The following SCRG1 variants were observed in gnomAD, a reference collection of about 807,000 sequenced individuals.
The protein encoded by SCRG1 is stimulator of chondrogenesis 1, also known as scrapie-responsive protein 1.
In SCRG1, 3 loss-of-function variants were observed where a neutral mutation model predicts 7.7. The observed-to-expected ratio is 0.39, with a 90% confidence interval of 0.18 to 1.01. SCRG1 has a LOEUF of 1.01. SCRG1 is among the 50% of genes least tolerant of loss of function. The pLI is 0.36. For missense variants in SCRG1, 110 were observed against 117.2 expected, an observed-to-expected ratio of 0.94 and a Z score of 0.28; for synonymous variants, 46 against 41.2, an observed-to-expected ratio of 1.12 and a Z score of -0.44.
chr4:173,454,198 G>A, the SCRG1 span, among the ~76,000 whole-genome samples: 1 of 152,182 alleles, frequency 6.6e-6, no homozygotes, highest in African/African-American at 2.4e-5. Context: ...TCAAGTAGGT[G>A]TGAAGACAGG....
At chr4:173,465,805 A>G in the SCRG1 span, among the ~76,000 whole-genome samples, 1 of 151,914 alleles carries the variant, frequency 6.6e-6, no homozygotes. Context: ...GGCCTCTGGT[A>G]ACTACCAATC....
intron 1 of SCRG1, chr4:173,404,496 T>C (rs1486061984): frequency 2.0e-5 from 3 of 152,222 alleles, no homozygotes; most frequent in Non-Finnish European, 4.4e-5. Context: ...TTTAAGTGAT[T>C]ATAATTCTAG....
chr4:173,482,582 C>T, the SCRG1 span, among the ~76,000 whole-genome samples: 476 of 152,134 alleles, frequency 3.1e-3, 1 homozygote, highest in African/African-American at 0.011. Flanking sequence ...GTTTGGGAGA[C>T]TAAGGCTGGA....
the SCRG1 span, among the ~76,000 whole-genome samples, chr4:173,471,460 T>C: frequency 6.6e-6 from 1 of 152,172 alleles, no homozygotes; most frequent in Admixed American, 6.5e-5. Context: ...AGTACAGAAA[T>C]TGGAATAATC....
At chr4:173,450,360 C>A in the SCRG1 span, among the ~76,000 whole-genome samples, 1 of 152,104 alleles carries the variant, frequency 6.6e-6, no homozygotes, top group East Asian at 1.9e-4. Flanking sequence ...GCCTGTACTC[C>A]AGATATTTTT....
chr4:173,466,430 T>C, the SCRG1 span, among the ~76,000 whole-genome samples: 1 of 152,160 alleles, frequency 6.6e-6, no homozygotes, highest in East Asian at 1.9e-4. Flanking sequence ...CAACACTTTT[T>C]CCATGGTCTT....
chr4:173,479,754 G>T, the SCRG1 span, among the ~76,000 whole-genome samples: 1 of 151,326 alleles, frequency 6.6e-6, no homozygotes, highest in South Asian at 2.1e-4. Flanking sequence ...TGTTATTTTT[G>T]AAAGAAAGCT....
chr4:173,425,044 T>A, the SCRG1 span, among the ~76,000 whole-genome samples: 14 of 152,318 alleles, frequency 9.2e-5, no homozygotes, highest in African/African-American at 3.4e-4. Flanking sequence ...ACTTTCCAAG[T>A]TCCTATGCCA....
chr4:173,470,348 G>A, the SCRG1 span, among the ~76,000 whole-genome samples: 2 of 152,170 alleles, frequency 1.3e-5, no homozygotes. Context: ...GCAAGACAAT[G>A]AGACATAATC....
the SCRG1 span, among the ~76,000 whole-genome samples, chr4:173,443,261 G>C: frequency 6.6e-6 from 1 of 152,120 alleles, no homozygotes; most frequent in Non-Finnish European, 1.5e-5. Context: ...GAAATGATGA[G>C]AGACTTGTAT....
chr4:173,425,625 G>C, the SCRG1 span, among the ~76,000 whole-genome samples: 11 of 152,276 alleles, frequency 7.2e-5, no homozygotes, highest in African/African-American at 2.4e-4. Flanking sequence ...CTGGCCCAGG[G>C]CCCAATGAGA....
At chr4:173,442,223 C>G in the SCRG1 span, among the ~76,000 whole-genome samples, 1 of 152,138 alleles carries the variant, frequency 6.6e-6, no homozygotes, top group African/African-American at 2.4e-5. Flanking sequence ...GTTGGGATCT[C>G]TGCTGCCTTG....
At chr4:173,515,620 T>A in the SCRG1 span, among the ~76,000 whole-genome samples, 3 of 151,944 alleles carry the variant, frequency 2.0e-5, no homozygotes, top group African/African-American at 7.3e-5. The surrounding 1 kb of genome is among the most constrained non-coding windows in gnomAD (Gnocchi z 4.6). Flanking sequence ...GTGGCCAGAA[T>A]GGCAGAGCAG....
chr4:173,428,396 G>A, the SCRG1 span, among the ~76,000 whole-genome samples: 21 of 152,262 alleles, frequency 1.4e-4, no homozygotes, highest in Admixed American at 1.3e-3. Flanking sequence ...ACTTTCTGTG[G>A]CACCTTAGGC....
chr4:173,462,280 G>A, the SCRG1 span, among the ~76,000 whole-genome samples: 1 of 152,030 alleles, frequency 6.6e-6, no homozygotes, highest in Admixed American at 6.6e-5. Context: ...CAAAGGTCAA[G>A]GATAAAGAAA....
chr4:173,388,458 T>C, intron 2 of SCRG1, 63 bp from the exon 3 acceptor site: 1 of 1,162,724 alleles, frequency 8.6e-7, no homozygotes, highest in Non-Finnish European at 1.3e-6. Flanking sequence ...TAGTCTATTC[T>C]AGGTTAAAAA....
chr4:173,455,860 C>T, the SCRG1 span, among the ~76,000 whole-genome samples: 33 of 152,016 alleles, frequency 2.2e-4, no homozygotes, highest in Admixed American at 1.3e-4. Flanking sequence ...TGGGAGCAGT[C>T]GAAGGAATAG....
At chr4:173,451,028 T>C in the SCRG1 span, among the ~76,000 whole-genome samples, 24 of 152,188 alleles carry the variant, frequency 1.6e-4, no homozygotes, top group African/African-American at 5.5e-4. Flanking sequence ...CTCTCTTTGG[T>C]TTGAGGTTAT....
chr4:173,484,171 AAT>A, the SCRG1 span, among the ~76,000 whole-genome samples: 17 of 51,262 alleles, frequency 3.3e-4, no homozygotes, highest in South Asian at 1.2e-3. Flanking sequence ...CATTATATAT[AAT>A]ATATAATATA....
Sources: allele counts gnomAD v4.1 joint callset (sites outside exome capture counted in the v4.1 genomes callset), GRCh38; gene constraint gnomAD v4.1.1; non-coding constraint Gnocchi (gnomAD v3.1); transcripts MANE v1.5; gene names NCBI Gene and HGNC (gene_info 2026-07-23, HGNC 2026-07-21).